Variants in GGT7 observed in about 807,000 individuals in gnomAD.
The protein encoded by GGT7 is gamma-glutamyltransferase 7.
A neutral mutation model predicts 69.2 loss-of-function variants in GGT7; 30 were observed. The observed-to-expected ratio is 0.43, with a 90% confidence interval of 0.32 to 0.59. GGT7 has a LOEUF of 0.59. Among genes scored for constraint, GGT7 ranks in the 20% least tolerant of loss-of-function variants. The probability of loss-of-function intolerance (pLI) is 0.05; values close to 1 mark genes in which losing one functional copy is unlikely to be tolerated. For synonymous variants in GGT7, 388 were observed against 391.8 expected, an observed-to-expected ratio of 0.99 and a Z score of 0.12; for missense variants, 733 against 901.1, an observed-to-expected ratio of 0.81 and a Z score of 2.39.
chr20:34,857,615 A>ATTTTT (rs5841184), intron 7 of GGT7, among the ~76,000 whole-genome samples: 1 of 118,012 alleles, frequency 8.5e-6, no homozygotes, highest in Non-Finnish European at 1.7e-5. Flanking sequence ...TTACACATTG[A>ATTTTT]TTTTTTTTTT....
chr20:34,863,544 C>T lies in GGT7; in HGVS notation c.174G>A (p.Pro58=). The change falls in exon 2 of 15, where the codon CCG becomes CCA. Residue 58 remains proline (P), a synonymous_variant. Transcript: ENST00000336431. This position sits in a 1 kb window ranked among gnomAD's most constrained non-coding sequence, Gnocchi z 4.4. ...DAFLGDPDTD[P]DSFLKSARLQ... is the part of the protein sequence containing the mutation. ...GCCGTGCAGACTTCAGGAAGGAGTC[C>T]GGGTCTGCGGGCAGGCAGCCGGGGT... The T allele has an allele frequency of 1.3e-6, 2 of 1,566,542 alleles. No individual in the cohort carries two copies. The highest frequency in any genetic ancestry group is 1.7e-6 in the Non-Finnish European group (2 of 1,154,308).
At chr20:34,857,656 C>T (rs903362698) in intron 7 of GGT7, among the ~76,000 whole-genome samples, 2 of 130,080 alleles carry the variant, frequency 1.5e-5, no homozygotes, top group South Asian at 2.4e-4. Flanking sequence ...CTCATTCTGT[C>T]GCCCAGGCTG....
In GGT7 at chr20:34,861,430, C is replaced by A. The variant is rs1362181051; in HGVS notation, c.675+15G>T. 2.2e-6 allele frequency: 3 copies of A among 1,381,964 alleles called. No homozygotes were observed. Among genetic ancestry groups the A allele is most frequent in the Non-Finnish European group, 3.0e-6 (3 of 988,668 alleles). The allele number at this position is 1,381,964 out of a possible 1,614,324, so 85.6% of individuals were successfully genotyped here. A position where few individuals can be genotyped will look rare whatever the true frequency, so the allele number is the denominator to read the frequency against. ...GAGACTCCCCTGAACTCTCTCTTCTCACCAGGGTCCCCACCTTGGTCTCCC... is the reference window on the plus strand; with the variant it reads ...GAGACTCCCCTGAACTCTCTCTTCTAACCAGGGTCCCCACCTTGGTCTCCC... On this transcript the variant is annotated intron_variant, in intron 4 of 14. Coordinates refer to ENST00000336431, the MANE Select transcript of GGT7 (RefSeq NM_178026.3).
rs771599795 is a variant in GGT7, at chr20:34,856,884, C to G, written c.1024G>C (p.Ala342Pro). 1.2e-6 allele frequency: 2 copies of G among 1,604,862 alleles called. No homozygotes were observed. Among genetic ancestry groups the G allele is most frequent in the East Asian group, 2.2e-5 (1 of 44,798 alleles). Residue 342 changes from alanine (A) to proline (P), a missense_variant, in exon 8 of 15, where the codon GCA becomes CCA. By Grantham distance (27) the Ala-to-Pro change is conservative. Coordinates refer to ENST00000336431, the MANE Select transcript of GGT7 (RefSeq NM_178026.3). ...TCCTCTTCGGTTATGACACCCCCTG[C>G]GTGCTGAGCCTGGAGGGAAGAGAAT... ...TLEMVAEAQH[A>P]GGVITEEDFS...
At chr20:34,868,138 T>C (rs1249256055) in intron 1 of GGT7, among the ~76,000 whole-genome samples, 1 of 152,176 alleles carries the variant, frequency 6.6e-6, no homozygotes, top group Non-Finnish European at 1.5e-5. Context: ...AGTGTTGGCA[T>C]TACAGGCGTG....
chr20:34,851,479 C>T, intron 12 of GGT7, 111 bp from the exon 13 acceptor site: 1 of 1,110,368 alleles, frequency 9.0e-7, no homozygotes, highest in Admixed American at 2.5e-5. Context: ...CTTCCACAGG[C>T]CCAGTTTTCC....
chr20:34,861,485 G>T lies in GGT7; in HGVS notation c.635C>A (p.Ala212Asp). 1 of 1,552,978 alleles carries T rather than the reference G, an allele frequency of 6.4e-7. No homozygotes were observed. The highest frequency in any genetic ancestry group is 1.4e-5 in the African/African-American group (1 of 73,696). Reference sequence around the variant, plus strand: ...TCTTTGCAGGGTCTCTTCCCTGAGGGCCCCTGGTGCGGACTCCCGGAAATC... The same window carrying T: ...TCTTTGCAGGGTCTCTTCCCTGAGGTCCCCTGGTGCGGACTCCCGGAAATC... ...LIDFRESAPG[A>D]LREETLQRSW... Residue 212 changes from alanine (A) to aspartate (D), a missense_variant, in exon 4 of 15, where the codon GCC (alanine) becomes GAC (aspartate). Ala to Asp is a moderately radical substitution (Grantham distance 126). Transcript: ENST00000336431.
intron 1 of GGT7, among the ~76,000 whole-genome samples, chr20:34,865,533 C>G (rs1403644320): frequency 6.6e-6 from 1 of 152,204 alleles, no homozygotes; most frequent in Non-Finnish European, 1.5e-5. Flanking sequence ...TGTCTGGAGA[C>G]AAACTGGAGG....
At chr20:34,861,134 T>C (rs1299516082) in intron 4 of GGT7, among the ~76,000 whole-genome samples, 2 of 152,218 alleles carry the variant, frequency 1.3e-5, no homozygotes, top group South Asian at 2.1e-4. Context: ...GGGAAAGTTA[T>C]AGTCAACTGG....
chr20:34,863,638 C>T lies in GGT7; in HGVS notation c.170-90G>A, dbSNP rs901558492. ...GGACTATTCAGCGCTTTCCCTGCCCCGCCCCTGCCACACAATCCCCGCACT... is the reference window on the plus strand; with the variant it reads ...GGACTATTCAGCGCTTTCCCTGCCCTGCCCCTGCCACACAATCCCCGCACT... On this transcript the variant is annotated intron_variant, in intron 1 of 14. Transcript: ENST00000336431. The surrounding 1 kb of genome is among the most constrained non-coding windows in gnomAD (Gnocchi z 4.4). The T allele has an allele frequency of 1.2e-6, 1 of 850,942 alleles. No individual in the cohort carries two copies. Among genetic ancestry groups the T allele is most frequent in the Middle Eastern group, 2.2e-4 (1 of 4,636 alleles). The allele number at this position is 850,942 out of a possible 1,614,324, so 52.7% of individuals were successfully genotyped here.
intron 1 of GGT7, among the ~76,000 whole-genome samples, chr20:34,869,784 T>C (rs759197584): frequency 2.6e-5 from 4 of 152,140 alleles, no homozygotes; most frequent in South Asian, 2.1e-4. Context: ...AGAATGGCAG[T>C]GGAGGAAGAG....
At chr20:34,851,432 C>T (rs2079390667) in intron 12 of GGT7, 64 bp from the exon 13 acceptor site, 9 of 1,488,110 alleles carry the variant, frequency 6.0e-6, no homozygotes, top group Non-Finnish European at 7.3e-6. Context: ...GAAAGGGCCC[C>T]TCCACAACCC....
rs1279060584 is a variant in GGT7, at chr20:34,863,695, C to A, written c.170-147G>T. On this transcript the variant is annotated intron_variant, in intron 1 of 14. Transcript: ENST00000336431. This position sits in a 1 kb window ranked among gnomAD's most constrained non-coding sequence, Gnocchi z 4.4. The stretch of plus-strand genomic sequence containing the variant: ...CACTACTCACCTTTCCTCATTTTCG[C>A]GTGCACCCCAGGACAGGCGGGGCAA... 1 of 733,216 alleles carries A rather than the reference C, an allele frequency of 1.4e-6. No homozygotes were observed. Among genetic ancestry groups the A allele is most frequent in the Admixed American group, 2.0e-5 (1 of 50,030 alleles). The allele number at this position is 733,216 out of a possible 1,614,324, so 45.4% of individuals were successfully genotyped here.
In GGT7 at chr20:34,854,782, C is replaced by T. The variant is rs760323911; in HGVS notation, c.1230+14G>A. ...ATCCTTAAATCCAGGGAAAGGCAGA[C>T]GGGTCAGCCTTACCTCTGCCACCCA... On this transcript the variant is annotated intron_variant, in intron 9 of 14. Coordinates refer to ENST00000336431, the MANE Select transcript of GGT7 (RefSeq NM_178026.3). 24 of 1,613,806 alleles carry T rather than the reference C, an allele frequency of 1.5e-5. No homozygotes were observed. Among genetic ancestry groups the T allele is most frequent in the East Asian group, 2.2e-5 (1 of 44,886 alleles).
rs2079282113 is a variant in GGT7 at position 34,845,201 on chromosome 20, C to G, written c.*127G>C. ...TCCAGTTACTCTGGGATTGGGTTTGCTAAGCATCCCCTCTGGCCCCTGATC... is the reference window on the plus strand; with the variant it reads ...TCCAGTTACTCTGGGATTGGGTTTGGTAAGCATCCCCTCTGGCCCCTGATC... On this transcript the variant is annotated 3_prime_UTR_variant, in exon 15 of 15. Transcript: ENST00000336431. 4.7e-6 allele frequency: 3 copies of G among 633,240 alleles called. No homozygotes were observed. In the East Asian group the frequency reaches 1.6e-4, roughly 33 times the overall value. The allele number at this position is 633,240 out of a possible 1,614,324, so 39.2% of individuals were successfully genotyped here.
chr20:34,854,397 C>T (rs1228069371), intron 10 of GGT7, 134 bp downstream of exon 10: 13 of 616,578 alleles, frequency 2.1e-5, no homozygotes, highest in Admixed American at 5.5e-5. Context: ...CCCAGTGTCA[C>T]GTTGTGAGTT....
At chr20:34,853,274 C>G (rs917897543) in intron 10 of GGT7, among the ~76,000 whole-genome samples, 4 of 151,742 alleles carry the variant, frequency 2.6e-5, no homozygotes, top group Non-Finnish European at 5.9e-5. Flanking sequence ...AGAGTTTTTT[C>G]CCAAGGCACA....
intron 14 of GGT7, among the ~76,000 whole-genome samples, chr20:34,849,351 CG>C (rs952532559): frequency 4.3e-5 from 4 of 93,516 alleles, no homozygotes; most frequent in Admixed American, 2.5e-4. Context: ...TTTATAGAGA[CG>C]GGGGGGTGGA....
At chr20:34,870,290 C>T (rs1209917601) in intron 1 of GGT7, among the ~76,000 whole-genome samples, 1 of 152,198 alleles carries the variant, frequency 6.6e-6, no homozygotes, top group Non-Finnish European at 1.5e-5. Flanking sequence ...TGCTGGATTT[C>T]CATACAGGGG....
Sources: gnomAD v4.1 joint callset for allele counts (sites outside exome capture counted in the v4.1 genomes callset) on GRCh38, gnomAD v4.1.1 for gene constraint, Gnocchi (gnomAD v3.1) non-coding constraint, MANE v1.5 for transcripts, NCBI Gene and HGNC (gene_info 2026-07-23, HGNC 2026-07-21) for gene names.